IGLL5: variants seen among roughly 807,000 people sequenced by gnomAD.
IGLL5 encodes immunoglobulin lambda-like polypeptide 5.
Under a neutral mutation model 20.9 loss-of-function variants are expected in IGLL5, and 30 were observed. That is an observed-to-expected ratio of 1.44 (90% CI 1.07 to 1.95). IGLL5 has a LOEUF of 1.95. Ranked by LOEUF, IGLL5 falls within the 30% of genes most tolerant of loss-of-function variation. The pLI, the probability that IGLL5 is intolerant of heterozygous loss-of-function variation, is 0.00. For missense variants in IGLL5, 475 were observed against 270.7 expected (o/e 1.75, Z -5.30); for synonymous variants, 203 against 117.3 (o/e 1.73, Z -4.72).
intron 1 of IGLL5, among the ~76,000 whole-genome samples, chr22:22,890,397 A>C (rs6003372): frequency 6.7e-6 from 1 of 149,798 alleles, no homozygotes; most frequent in African/African-American, 2.4e-5. Context: ...TCTGCATATT[A>C]CCAACTTTTA....
chr22:22,893,986 A>G (rs928263337), intron 2 of IGLL5, among the ~76,000 whole-genome samples, 168 bp downstream of exon 2: 3 of 150,948 alleles, frequency 2.0e-5, no homozygotes, highest in South Asian at 2.1e-4. Context: ...GGTAACCGGC[A>G]GGAAGGGCCT....
chr22:22,888,572 C>A (rs2067617025), intron 1 of IGLL5, among the ~76,000 whole-genome samples: 2 of 151,370 alleles, frequency 1.3e-5, no homozygotes, highest in East Asian at 2.0e-4. Context: ...GAGGCAGGGA[C>A]AGGACATCCA....
At position 22,894,720 on chromosome 22, in the gene IGLL5, A is replaced by G. The variant is rs925053831; in HGVS notation, c.326-655A>G. Among the ~76,000 whole-genome samples, 4 of 151,410 alleles carry G rather than the reference A, an allele frequency of 2.6e-5. 1 individual carries two copies. The highest frequency in any genetic ancestry group is 2.1e-4 in the South Asian group (1 of 4,760). ...TCTCATAGTCTGTGGGAGCAGCCCCAGGAACAGCTGAGGTGAAGGGTTCTG... is the reference window on the plus strand; with the variant it reads ...TCTCATAGTCTGTGGGAGCAGCCCCGGGAACAGCTGAGGTGAAGGGTTCTG... On this transcript the variant is annotated intron_variant, in intron 2 of 2. Transcript: ENST00000526893.
chr22:22,893,985 C>A (rs1228168386), intron 2 of IGLL5, among the ~76,000 whole-genome samples, 167 bp downstream of exon 2: 2 of 151,082 alleles, frequency 1.3e-5, no homozygotes, highest in Middle Eastern at 3.7e-3. Flanking sequence ...GGGTAACCGG[C>A]AGGAAGGGCC....
intron 2 of IGLL5, among the ~76,000 whole-genome samples, chr22:22,894,713 C>A: frequency 6.6e-6 from 1 of 151,384 alleles, no homozygotes; most frequent in African/African-American, 2.4e-5. Context: ...TCTGTGGGAG[C>A]AGCCCCAGGA....
At chr22:22,890,414 T>A (rs543689102) in intron 1 of IGLL5, among the ~76,000 whole-genome samples, 1 of 150,494 alleles carries the variant, frequency 6.6e-6, no homozygotes, top group South Asian at 2.1e-4. Context: ...TTTAATCTAT[T>A]ATTGACACTT....
At position 22,895,482 on chromosome 22, in the gene IGLL5, G is replaced by C. The variant is rs1212573723; in HGVS notation, c.433G>C (p.Ala145Pro). Residue 145 changes from alanine (A) to proline (P), a missense_variant, in exon 3 of 3, where the codon GCT becomes CCT. Physicochemically the swap from Ala to Pro is conservative, Grantham distance 27 (BLOSUM62 -1). Coordinates refer to ENST00000526893, the MANE Select transcript of IGLL5 (RefSeq NM_001178126.2). ...TCTGATCAGTGACTTCTACCCGGGA[G>C]CTGTGACAGTGGCCTGGAAGGCAGA... ...VCLISDFYPG[A>P]VTVAWKADGS... 1.4e-5 allele frequency: 22 copies of C among 1,612,692 alleles called. No homozygotes were observed. In the Admixed American group the frequency reaches 3.3e-4, roughly 24 times the overall value.
chr22:22,894,006 G>C (rs1249174182), intron 2 of IGLL5, among the ~76,000 whole-genome samples, 188 bp downstream of exon 2: 9 of 149,780 alleles, frequency 6.0e-5, no homozygotes, highest in South Asian at 2.2e-4. Context: ...TCCACAGTGG[G>C]AGCAGCCGGA....
intron 1 of IGLL5, among the ~76,000 whole-genome samples, chr22:22,889,512 T>A (rs114120440): frequency 3.3e-5 from 5 of 151,292 alleles, no homozygotes; most frequent in South Asian, 2.1e-4. Context: ...TCAGCATTAT[T>A]AGTGATGGGA....
intron 2 of IGLL5, among the ~76,000 whole-genome samples, chr22:22,894,244 A>G (rs2068005111): frequency 2.0e-5 from 3 of 150,990 alleles, no homozygotes; most frequent in South Asian, 2.1e-4. Flanking sequence ...AGAACAGCTG[A>G]GGGTCTAGGC....
intron 2 of IGLL5, 110 bp downstream of exon 2, chr22:22,893,928 G>GGT (rs2067950258): frequency 1.2e-6 from 1 of 806,152 alleles, no homozygotes; most frequent in Admixed American, 1.9e-5. Flanking sequence ...CTTAAGCACT[G>GGT]ACCCTTACCT....
chr22:22,891,741 T>C (rs1480277972), intron 1 of IGLL5, among the ~76,000 whole-genome samples: 8 of 151,360 alleles, frequency 5.3e-5, no homozygotes, highest in Non-Finnish European at 1.2e-4. Flanking sequence ...TCATAAAGGG[T>C]TTGTAAATAT....
intron 1 of IGLL5, among the ~76,000 whole-genome samples, chr22:22,888,797 A>G (rs737884): frequency 6.6e-6 from 1 of 151,396 alleles, no homozygotes; most frequent in Admixed American, 6.6e-5. Context: ...GGGTGGGATG[A>G]ACCGAGGGGA....
At chr22:22,894,690 C>A (rs190704048) in intron 2 of IGLL5, among the ~76,000 whole-genome samples, 1 of 151,224 alleles carries the variant, frequency 6.6e-6, no homozygotes, top group Admixed American at 6.6e-5. Flanking sequence ...CTGGGGGCTG[C>A]TGAGTCTCAT....
chr22:22,889,188 G>A (rs528212321), intron 1 of IGLL5, among the ~76,000 whole-genome samples: 1 of 151,192 alleles, frequency 6.6e-6, no homozygotes, highest in South Asian at 2.1e-4. Flanking sequence ...CCAAGTCCAG[G>A]GTAGGTGGGG....
At chr22:22,889,411 T>C (rs2145995534) in intron 1 of IGLL5, among the ~76,000 whole-genome samples, 1 of 151,330 alleles carries the variant, frequency 6.6e-6, no homozygotes, top group African/African-American at 2.4e-5. Flanking sequence ...TTATCTAAAC[T>C]GGGCAATTCC....
Position 22,894,091 on chromosome 22 carries a change from G to C in IGLL5, c.325+273G>C, listed in dbSNP as rs529221758. Among the ~76,000 whole-genome samples the C allele has an allele frequency of 4.6e-5, 7 of 151,466 alleles. 1 individual carries two copies. Among genetic ancestry groups the C allele is most frequent in the South Asian group, 2.1e-4 (1 of 4,768 alleles). On this transcript the variant is annotated intron_variant, in intron 2 of 2. Coordinates refer to ENST00000526893, the MANE Select transcript of IGLL5 (RefSeq NM_001178126.2). ...CTCCTCTCTTCCAGGGCAGATGTCT[G>C]AGTGAGGGACAGAGGCTGGTTCTGA...
At chr22:22,888,744 T>A (rs541539500) in intron 1 of IGLL5, among the ~76,000 whole-genome samples, 4 of 151,370 alleles carry the variant, frequency 2.6e-5, no homozygotes, top group East Asian at 2.0e-4. Flanking sequence ...TTCACCAACT[T>A]GCACATAAAT....
Position 22,889,346 on chromosome 22 carries a change from T to C in IGLL5, c.206+1087T>C, listed in dbSNP as rs1034309076. Among the ~76,000 whole-genome samples the C allele has an allele frequency of 6.0e-5, 9 of 151,024 alleles. 1 individual carries two copies. In the South Asian group the frequency reaches 6.4e-4, roughly 11 times the overall value. ...CACGCTCGGGGACTGTCTATGGGCA[T>C]TAAAAATGTATAACCATTTTAGCAA... On this transcript the variant is annotated intron_variant, in intron 1 of 2. Coordinates refer to ENST00000526893, the MANE Select transcript of IGLL5 (RefSeq NM_001178126.2).
Sources: allele counts gnomAD v4.1 joint callset (sites outside exome capture counted in the v4.1 genomes callset), GRCh38; gene constraint gnomAD v4.1.1; transcripts MANE v1.5; gene names NCBI Gene and HGNC (gene_info 2026-07-23, HGNC 2026-07-21).